GRIN2B: variants seen among roughly 807,000 people sequenced by gnomAD.
GRIN2B encodes glutamate receptor ionotropic, NMDA 2B.
In GRIN2B, 5 loss-of-function variants were observed where a neutral mutation model predicts 114.5. The observed-to-expected ratio is 0.04, with a 90% CI of 0.02 to 0.09. The LOEUF (loss-of-function observed/expected upper bound fraction) is 0.09. GRIN2B is among the 10% of genes least tolerant of loss of function. The probability of loss-of-function intolerance (pLI) is 1.00; values close to 1 mark genes in which losing one functional copy is unlikely to be tolerated. For synonymous variants in GRIN2B, 787 were observed against 745.1 expected, an observed-to-expected ratio of 1.06 and a Z score of -0.92; for missense variants, 1,108 against 1,943.5, an observed-to-expected ratio of 0.57 and a Z score of 8.08.
intron 10 of GRIN2B, among the ~76,000 whole-genome samples, chr12:13,594,131 C>G (rs112249282): frequency 1.3e-5 from 2 of 152,146 alleles, no homozygotes; most frequent in Non-Finnish European, 1.5e-5. Context: ...CCTCAAGGAT[C>G]TAGAACTAGA....
chr12:13,777,653 TG>T (rs1864028928), intron 3 of GRIN2B, among the ~76,000 whole-genome samples: 1 of 152,184 alleles, frequency 6.6e-6, no homozygotes, highest in African/African-American at 2.4e-5. Context: ...CTGGAGAACA[TG>T]GGTGATTTCT....
At chr12:13,568,439 G>A (rs1487654405) in intron 12 of GRIN2B, among the ~76,000 whole-genome samples, 1 of 152,128 alleles carries the variant, frequency 6.6e-6, no homozygotes, top group Non-Finnish European at 1.5e-5. Flanking sequence ...CTCCATTATT[G>A]CCTTTGAGTG....
At chr12:13,937,399 G>A (rs931164467) in intron 2 of GRIN2B, among the ~76,000 whole-genome samples, 1 of 151,746 alleles carries the variant, frequency 6.6e-6, no homozygotes, top group African/African-American at 2.4e-5. Flanking sequence ...GATCTTGAAA[G>A]TAGCCAGTAA....
At chr12:13,811,317 GT>G (rs572186357) in intron 3 of GRIN2B, among the ~76,000 whole-genome samples, 1 of 152,092 alleles carries the variant, frequency 6.6e-6, no homozygotes, top group South Asian at 2.1e-4. Context: ...CCAGGTTTTG[GT>G]TTTTTTTGGT....
chr12:13,862,981 C>T (rs938027303), intron 3 of GRIN2B, among the ~76,000 whole-genome samples: 11 of 152,182 alleles, frequency 7.2e-5, no homozygotes, highest in Non-Finnish European at 1.3e-4. Flanking sequence ...AGAAACTATT[C>T]TTTCCAGGTC....
chr12:13,919,744 C>T (rs1226254682), intron 2 of GRIN2B, among the ~76,000 whole-genome samples: 1 of 152,072 alleles, frequency 6.6e-6, no homozygotes, highest in African/African-American at 2.4e-5. Context: ...AAATTGGAAG[C>T]TGATGCGGGG....
chr12:13,706,421 T>C (rs552108431), intron 4 of GRIN2B, among the ~76,000 whole-genome samples: 2 of 152,242 alleles, frequency 1.3e-5, no homozygotes, highest in Admixed American at 1.3e-4. Flanking sequence ...ATAAAGTATC[T>C]TCCAGCAACC....
intron 2 of GRIN2B, among the ~76,000 whole-genome samples, chr12:13,958,430 T>C (rs945371573): frequency 1.3e-5 from 2 of 152,194 alleles, no homozygotes; most frequent in African/African-American, 4.8e-5. Flanking sequence ...TCATCATCTA[T>C]CTCATTTGCC....
chr12:13,943,066 G>A (rs1031739247), intron 2 of GRIN2B, among the ~76,000 whole-genome samples: 1 of 152,006 alleles, frequency 6.6e-6, no homozygotes. Flanking sequence ...GGGAATTAGG[G>A]GACCTGACTT....
At position 13,808,958 on chromosome 12, in the gene GRIN2B, C is replaced by T. The variant is rs1015616080; in HGVS notation, c.412-55043G>A. ...GTTGGACCCAAACATCTGCTTAGAACAAGAGCAAAGAAACGTAACCAGAGT... is the reference window on the plus strand; with the variant it reads ...GTTGGACCCAAACATCTGCTTAGAATAAGAGCAAAGAAACGTAACCAGAGT... On this transcript the variant is annotated intron_variant, in intron 3 of 13. Transcript: ENST00000609686. Among the ~76,000 whole-genome samples, 7 of 151,992 alleles carry T rather than the reference C, an allele frequency of 4.6e-5. No individual in the cohort carries two copies. The South Asian group carries it at 1.5e-3, about 32-fold the overall frequency.
chr12:13,687,224 A>C (rs183480719), intron 4 of GRIN2B, among the ~76,000 whole-genome samples: 5 of 152,328 alleles, frequency 3.3e-5, no homozygotes, highest in African/African-American at 1.2e-4. Flanking sequence ...CAAAAATAAA[A>C]TCAGTAGCCT....
chr12:13,762,739 T>C (rs1034677885), intron 3 of GRIN2B, among the ~76,000 whole-genome samples: 1 of 152,208 alleles, frequency 6.6e-6, no homozygotes, highest in Admixed American at 6.5e-5. Flanking sequence ...CTCTTTGCCC[T>C]TCTGTCCCAG....
rs149494507 is a variant in GRIN2B, at chr12:13,773,981, T to A, written c.412-20066A>T. ...GCCTAAGACAAACCAGAAAAATAAG[T>A]ATAACAGTGTCTAGTACTGGACCAC... On this transcript the variant is annotated intron_variant, in intron 3 of 13. Coordinates refer to ENST00000609686, the MANE Select transcript of GRIN2B (RefSeq NM_000834.5). 3.9e-5 allele frequency among the ~76,000 whole-genome samples: 6 copies of A among 152,118 alleles called. No individual in the cohort carries two copies. In the East Asian group the frequency reaches 1.2e-3, roughly 30 times the overall value.
At chr12:13,774,077 G>C (rs747420722) in intron 3 of GRIN2B, among the ~76,000 whole-genome samples, 1 of 152,158 alleles carries the variant, frequency 6.6e-6, no homozygotes, top group Non-Finnish European at 1.5e-5. Flanking sequence ...TAAACTCCTA[G>C]TGCTCTTGAA....
intron 3 of GRIN2B, among the ~76,000 whole-genome samples, chr12:13,864,015 T>A (rs1215661612): frequency 1.3e-5 from 2 of 152,174 alleles, no homozygotes; most frequent in Non-Finnish European, 2.9e-5. Context: ...AAAAGAAAAA[T>A]CTACCTGAAG....
chr12:13,591,789 G>C (rs1256963459), intron 10 of GRIN2B, among the ~76,000 whole-genome samples: 1 of 152,018 alleles, frequency 6.6e-6, no homozygotes, highest in African/African-American at 2.4e-5. Flanking sequence ...TTTGGCTTTG[G>C]ACTGCAATTT....
chr12:13,647,891 T>C (rs1949776691), intron 5 of GRIN2B, among the ~76,000 whole-genome samples: 1 of 152,092 alleles, frequency 6.6e-6, no homozygotes, highest in African/African-American at 2.4e-5. Flanking sequence ...TTCTCCTCAA[T>C]ACTATTGGTT....
At chr12:13,795,607 C>T (rs1207301324) in intron 3 of GRIN2B, among the ~76,000 whole-genome samples, 1 of 152,216 alleles carries the variant, frequency 6.6e-6, no homozygotes, top group Non-Finnish European at 1.5e-5. Context: ...GATTATAAAT[C>T]ACACTACATA....
intron 10 of GRIN2B, among the ~76,000 whole-genome samples, chr12:13,576,147 T>A (rs1192353971): frequency 6.6e-6 from 1 of 152,070 alleles, no homozygotes; most frequent in Non-Finnish European, 1.5e-5. Context: ...CTGTGAAGTT[T>A]ACATAAAACA....
Sources: gnomAD v4.1 joint callset for allele counts (sites outside exome capture counted in the v4.1 genomes callset) on GRCh38, gnomAD v4.1.1 for gene constraint, MANE v1.5 for transcripts, NCBI Gene and HGNC (gene_info 2026-07-23, HGNC 2026-07-21) for gene names.